SPTBN1: variants seen among roughly 807,000 people sequenced by gnomAD.
SPTBN1 encodes the protein spectrin beta, non-erythrocytic 1.
A neutral mutation model predicts 266.4 loss-of-function variants in SPTBN1; 32 were observed. The ratio of observed to expected loss-of-function variants is 0.12; its 90% CI spans 0.09 to 0.16. The LOEUF (loss-of-function observed/expected upper bound fraction) is 0.16. Ranked by LOEUF, SPTBN1 falls within the 10% of genes least tolerant of loss-of-function variation. The pLI, the probability that SPTBN1 is intolerant of heterozygous loss-of-function variation, is 1.00. For synonymous variants in SPTBN1, 1,336 were observed against 1,162.2 expected (o/e 1.15, Z -3.04); for missense variants, 2,296 against 3,067.1 (o/e 0.75, Z 5.94).
rs371041913 is a variant in SPTBN1, at chr2:54,621,520, G to C, written c.876+8G>C. The C allele has an allele frequency of 6.2e-7, 1 of 1,607,242 alleles. No individual in the cohort carries two copies. The highest frequency in any genetic ancestry group is 8.5e-7 in the Non-Finnish European group (1 of 1,173,964). On this transcript the variant is annotated splice_region_variant and intron_variant, in intron 8 of 35. Coordinates refer to ENST00000356805, the MANE Select transcript of SPTBN1 (RefSeq NM_003128.3). ...GGAAAACGAATTGGAAAGGTGAGCT[G>C]GTGCCAATTTTGTGAGTTGTGAGAC...
At position 54,599,237 on chromosome 2, in the gene SPTBN1, G is replaced by C. The variant is rs1447364083; in HGVS notation, c.294G>C (p.Glu98Asp). ...LIKLLEVLSGERLPKPTKGRM... is the reference protein window; with the variant it reads ...LIKLLEVLSGDRLPKPTKGRM... Reference sequence around the variant, plus strand: ...AGCTGCTGGAGGTCCTCTCTGGAGAGAGGCTGGTGAGTGGAGACCTTAGGA... The same window carrying C: ...AGCTGCTGGAGGTCCTCTCTGGAGACAGGCTGGTGAGTGGAGACCTTAGGA... Residue 98 changes from glutamate (E) to aspartate (D), a missense_variant, in exon 3 of 36, where the codon GAG (glutamate) becomes GAC (aspartate). Glu to Asp is a conservative substitution (Grantham distance 45, BLOSUM62 2). Transcript: ENST00000356805. 3.1e-6 allele frequency: 5 copies of C among 1,614,172 alleles called. No individual in the cohort carries two copies. The highest frequency in any genetic ancestry group is 1.3e-5 in the African/African-American group (1 of 75,050).
chr2:54,495,160 TAGG>T (rs74895298), intron 1 of SPTBN1, among the ~76,000 whole-genome samples: 32,933 of 151,858 alleles, frequency 0.22, 4,566 homozygotes, highest in East Asian at 0.36. Flanking sequence ...CTGAGAATCA[TAGG>T]AGGTTGCAGG....
chr2:54,550,494 C>T (rs1306834771), intron 2 of SPTBN1, among the ~76,000 whole-genome samples: 2 of 152,186 alleles, frequency 1.3e-5, no homozygotes, highest in African/African-American at 2.4e-5. Flanking sequence ...ACACCCCACA[C>T]CCCCAACTAT....
At chr2:54,553,516 A>G (rs183632923) in intron 2 of SPTBN1, among the ~76,000 whole-genome samples, 1 of 152,254 alleles carries the variant, frequency 6.6e-6, no homozygotes, top group African/African-American at 2.4e-5. Flanking sequence ...TTTCCTGTAA[A>G]GAAATGCTTA....
chr2:54,568,255 T>C (rs1673802855), intron 2 of SPTBN1, among the ~76,000 whole-genome samples: 1 of 148,668 alleles, frequency 6.7e-6, no homozygotes, highest in African/African-American at 2.5e-5. Context: ...GTGGCGCACA[T>C]GTGTAATCCC....
At position 54,653,806 on chromosome 2, in the gene SPTBN1, C is replaced by T. The variant is rs752067158; in HGVS notation, c.5775C>T (p.Leu1925=). 1.2e-6 allele frequency: 2 copies of T among 1,614,110 alleles called. No individual in the cohort carries two copies. Among genetic ancestry groups the T allele is most frequent in the Admixed American group, 1.7e-5 (1 of 59,982 alleles). Residue 1925 remains leucine, a synonymous_variant, in exon 27 of 36, where the codon CTC becomes CTT. Transcript: ENST00000356805. The surrounding 1 kb of genome is among the most constrained non-coding windows in gnomAD (Gnocchi z 5.1). ...TCAGCATGGTGCGCGACCTCATGCT[C>T]TGGATGGAGGATGTCATCCGGCAGA... ...RFFSMVRDLM[L]WMEDVIRQIE...
Position 54,511,185 on chromosome 2 carries a change from C to T in SPTBN1, c.-47-15187C>T, listed in dbSNP as rs561857503. 1.7e-4 allele frequency among the ~76,000 whole-genome samples: 26 copies of T among 152,294 alleles called. No homozygotes were observed. The East Asian group carries it at 4.8e-3, about 28-fold the overall frequency. On this transcript the variant is annotated intron_variant, in intron 1 of 35. Coordinates refer to ENST00000356805, the MANE Select transcript of SPTBN1 (RefSeq NM_003128.3). Reference sequence around the variant, plus strand: ...TATGGCAATATTTTAGGCACCATCGCTCATTTTTCTTGTATACTCATGTTT... The same window carrying T: ...TATGGCAATATTTTAGGCACCATCGTTCATTTTTCTTGTATACTCATGTTT...
At position 54,667,525 on chromosome 2, in the gene SPTBN1, C is replaced by T. The variant is rs1572790636; in HGVS notation, c.6834-79C>T. On this transcript the variant is annotated intron_variant, in intron 34 of 35. Transcript: ENST00000356805. The stretch of plus-strand genomic sequence containing the variant: ...GTGACTCCTGTGGTCTACTTCTGTC[C>T]TGCATGGGATATGGGAGTTGGGGGA... 1.9e-5 allele frequency: 26 copies of T among 1,382,172 alleles called. No homozygotes were observed. The East Asian group carries it at 6.0e-4, about 32-fold the overall frequency. The allele number at this position is 1,382,172 out of a possible 1,614,324, so 85.6% of individuals were successfully genotyped here.
intron 2 of SPTBN1, among the ~76,000 whole-genome samples, chr2:54,575,914 G>C (rs1289764824): frequency 6.6e-6 from 1 of 152,180 alleles, no homozygotes; most frequent in Non-Finnish European, 1.5e-5. Flanking sequence ...GAATTAACCT[G>C]TAGTACGAGA....
At chr2:54,661,453 G>A in intron 32 of SPTBN1, 2 of 984,922 alleles carry the variant, frequency 2.0e-6, no homozygotes, top group Non-Finnish European at 2.4e-6. Context: ...TTTTTCTTTT[G>A]TCAGGATAAC....
chr2:54,578,358 A>C (rs1248438028), intron 2 of SPTBN1, among the ~76,000 whole-genome samples: 7 of 152,090 alleles, frequency 4.6e-5, no homozygotes, highest in African/African-American at 1.7e-4. Context: ...AATATTTTCG[A>C]CTGGTTGAGT....
intron 3 of SPTBN1, 22 bp downstream of exon 3, chr2:54,599,265 T>C: frequency 6.2e-7 from 1 of 1,611,116 alleles, no homozygotes; most frequent in Non-Finnish European, 8.5e-7. Context: ...CCTTAGGAAG[T>C]GCCGTGTGTT....
At chr2:54,552,828 C>T (rs1049108409) in intron 2 of SPTBN1, among the ~76,000 whole-genome samples, 1 of 152,180 alleles carries the variant, frequency 6.6e-6, no homozygotes. Flanking sequence ...CTTACATGGG[C>T]GGTACTCTGT....
Position 54,653,478 on chromosome 2 carries a change from C to A in SPTBN1, c.5578-131C>A, listed in dbSNP as rs1680441106. ...GATCTCCCCAGTGAAATTGAGGGCTCCTTAAGGGGCATGGGCCATATTTTG... is the reference window on the plus strand; with the variant it reads ...GATCTCCCCAGTGAAATTGAGGGCTACTTAAGGGGCATGGGCCATATTTTG... On this transcript the variant is annotated intron_variant, in intron 26 of 35. Transcript: ENST00000356805. The surrounding 1 kb of genome is among the most constrained non-coding windows in gnomAD (Gnocchi z 5.1). 1 of 1,437,310 alleles carries A rather than the reference C, an allele frequency of 7.0e-7. No homozygotes were observed. The highest frequency in any genetic ancestry group is 9.2e-7 in the Non-Finnish European group (1 of 1,084,488). 89.0% of individuals were successfully genotyped at this position (1,437,310 alleles called of 1,614,324 possible).
intron 1 of SPTBN1, among the ~76,000 whole-genome samples, chr2:54,511,389 C>T (rs1157728984): frequency 6.6e-6 from 1 of 151,908 alleles, no homozygotes; most frequent in African/African-American, 2.4e-5. Context: ...TTTTTTTCTT[C>T]GGATTGATCA....
chr2:54,656,087 A>AT, intron 29 of SPTBN1, 89 bp downstream of exon 29: 2 of 1,164,644 alleles, frequency 1.7e-6, no homozygotes, highest in South Asian at 2.8e-5. Flanking sequence ...TAATGTTATC[A>AT]TTTAAAGATT....
At chr2:54,518,646 T>G (rs1367787391) in intron 1 of SPTBN1, among the ~76,000 whole-genome samples, 1 of 152,100 alleles carries the variant, frequency 6.6e-6, no homozygotes, top group Non-Finnish European at 1.5e-5. Context: ...ATGAATAAAG[T>G]GGGAGTGTTT....
In SPTBN1 at chr2:54,645,252, G is replaced by A. The variant is rs1679842882; in HGVS notation, c.4293G>A (p.Val1431=). Residue 1431 remains valine (V), a synonymous_variant, in exon 21 of 36, where the codon GTG becomes GTA. Coordinates refer to ENST00000356805, the MANE Select transcript of SPTBN1 (RefSeq NM_003128.3). This position sits in a 1 kb window ranked among gnomAD's most constrained non-coding sequence, Gnocchi z 4.3. ...KQQMLENQME[V]RKKEIEELQS... ...AGATGCTGGAGAATCAGATGGAAGTGCGGAAGAAGGAGATCGAAGAGCTCC... is the reference window on the plus strand; with the variant it reads ...AGATGCTGGAGAATCAGATGGAAGTACGGAAGAAGGAGATCGAAGAGCTCC... 9 of 1,614,072 alleles carry A rather than the reference G, an allele frequency of 5.6e-6. No individual in the cohort carries two copies. Among genetic ancestry groups the A allele is most frequent in the Middle Eastern group, 1.6e-4 (1 of 6,084 alleles).
rs1678381108 is a variant in SPTBN1 at position 54,626,983 on chromosome 2, C to T, written c.1644+749C>T. 6.6e-6 allele frequency among the ~76,000 whole-genome samples: 1 copy of T among 151,066 alleles called. No individual in the cohort carries two copies. The highest frequency in any genetic ancestry group is 2.4e-5 in the African/African-American group (1 of 41,360). On this transcript the variant is annotated intron_variant, in intron 12 of 35. Transcript: ENST00000356805. The surrounding 1 kb of genome is among the most constrained non-coding windows in gnomAD (Gnocchi z 4.7). ...TCAGCCATGCCAAGCAGTTCTCCAG[C>T]TGGGAGGCCTTTAGCCTTGTAGACA...
Sources: gnomAD v4.1 joint callset for allele counts (sites outside exome capture counted in the v4.1 genomes callset) on GRCh38, gnomAD v4.1.1 for gene constraint, Gnocchi (gnomAD v3.1) non-coding constraint, MANE v1.5 for transcripts, NCBI Gene and HGNC (gene_info 2026-07-23, HGNC 2026-07-21) for gene names.